MET: variants seen among roughly 807,000 people sequenced by gnomAD.
MET encodes MET proto-oncogene, receptor tyrosine kinase, also known as hepatocyte growth factor receptor.
In MET, 48 loss-of-function variants were observed where a neutral mutation model predicts 133.1. The ratio of observed to expected loss-of-function variants is 0.36; its 90% CI spans 0.29 to 0.46. The LOEUF (loss-of-function observed/expected upper bound fraction) is 0.46, where lower values mean the gene tolerates loss of function less well. MET is among the 20% of genes least tolerant of loss of function. MET has a pLI of 1.00. For missense variants in MET, 1,442 were observed against 1,695.9 expected (o/e 0.85, Z 2.63); for synonymous variants, 628 against 616.5 (o/e 1.02, Z -0.28).
rs759227622 is a variant in MET, at chr7:116,699,936, A to G, written c.852A>G (p.Ile284Met). The change falls in exon 2 of 21, where the codon ATA (isoleucine) becomes ATG (methionine). Residue 284 changes from isoleucine (I) to methionine (M), a missense_variant. Physicochemically the swap from Ile to Met is conservative, Grantham distance 10. Around this residue, in one of 6 missense-constraint regions of MET, gnomAD observed 762 missense variants for 792.4 expected, o/e 0.96. Coordinates refer to ENST00000397752, the MANE Select transcript of MET (RefSeq NM_000245.4). ...FHTRIIRFCS[I>M]NSGLHSYMEM... Reference sequence around the variant, plus strand: ...CAAGAATAATCAGGTTCTGTTCCATAAACTCTGGATTGCATTCCTACATGG... The same window carrying G: ...CAAGAATAATCAGGTTCTGTTCCATGAACTCTGGATTGCATTCCTACATGG... 5.6e-6 allele frequency: 9 copies of G among 1,614,102 alleles called. No individual in the cohort carries two copies. The East Asian group carries it at 2.0e-4, about 36-fold the overall frequency.
chr7:116,710,482 A>G (rs1791953452), intron 2 of MET, among the ~76,000 whole-genome samples: 1 of 152,200 alleles, frequency 6.6e-6, no homozygotes, highest in South Asian at 2.1e-4. Context: ...AGAAAAAAAC[A>G]TGAGACATGA....
At chr7:116,741,828 A>T (rs983626668) in intron 5 of MET, among the ~76,000 whole-genome samples, 1 of 152,226 alleles carries the variant, frequency 6.6e-6, no homozygotes, top group African/African-American at 2.4e-5. Context: ...CCCTGAGGAG[A>T]TATAGTCCAG....
chr7:116,783,264 C>A (rs1795205130), intron 18 of MET, 40 bp from the exon 19 acceptor site: 2 of 1,611,488 alleles, frequency 1.2e-6, no homozygotes, highest in Admixed American at 1.7e-5. Flanking sequence ...GTAAATTATT[C>A]TATTTCAGCC....
chr7:116,795,580 A>G (rs1795642738), intron 19 of MET, 75 bp from the exon 20 acceptor site: 1 of 1,604,698 alleles, frequency 6.2e-7, no homozygotes, highest in African/African-American at 1.3e-5. Flanking sequence ...TTTAGTTACC[A>G]AGACCTACTG....
intron 1 of MET, among the ~76,000 whole-genome samples, chr7:116,693,080 T>A (rs575446186): frequency 6.6e-6 from 1 of 152,280 alleles, no homozygotes; most frequent in African/African-American, 2.4e-5. Flanking sequence ...ATATAAATAT[T>A]AAAATGCTCA....
At chr7:116,677,969 T>TTC (rs760091049) in intron 1 of MET, among the ~76,000 whole-genome samples, 33 of 93,440 alleles carry the variant, frequency 3.5e-4, no homozygotes, top group Non-Finnish European at 5.8e-4. Flanking sequence ...AATATTGTCT[T>TTC]TCTCTCTCTC....
intron 3 of MET, among the ~76,000 whole-genome samples, chr7:116,737,841 A>G (rs1407064292): frequency 6.6e-6 from 1 of 152,208 alleles, no homozygotes; most frequent in African/African-American, 2.4e-5. Context: ...TGGGCTTCAG[A>G]TATTTCATAA....
intron 1 of MET, among the ~76,000 whole-genome samples, chr7:116,676,017 G>A (rs191148707): frequency 2.0e-5 from 3 of 152,048 alleles, no homozygotes; most frequent in Admixed American, 2.0e-4. Context: ...CTTTTCATGG[G>A]ACAAAATGAA....
At chr7:116,760,763 C>A (rs1432045313) in intron 10 of MET, among the ~76,000 whole-genome samples, 16 of 152,168 alleles carry the variant, frequency 1.1e-4, no homozygotes, top group Non-Finnish European at 2.2e-4. Context: ...AGCCACATTG[C>A]ATCACCTCTA....
chr7:116,753,478 G>T (rs536209646), intron 5 of MET, among the ~76,000 whole-genome samples: 4 of 152,216 alleles, frequency 2.6e-5, no homozygotes, highest in South Asian at 4.2e-4. Flanking sequence ...CACTTTATAG[G>T]TGCCTAATGC....
At chr7:116,758,190 T>G (rs1361892520) in intron 8 of MET, among the ~76,000 whole-genome samples, 1 of 152,074 alleles carries the variant, frequency 6.6e-6, no homozygotes, top group Non-Finnish European at 1.5e-5. Flanking sequence ...CTTCTTAGAG[T>G]TGGAAGAGCT....
chr7:116,684,332 T>G (rs911459560), intron 1 of MET, among the ~76,000 whole-genome samples: 2 of 152,242 alleles, frequency 1.3e-5, no homozygotes, highest in Non-Finnish European at 2.9e-5. Context: ...ATTGATTGAT[T>G]CTGTTGTCCA....
chr7:116,794,838 T>C (rs1467841989), intron 19 of MET, among the ~76,000 whole-genome samples: 2 of 152,220 alleles, frequency 1.3e-5, no homozygotes. Context: ...GGGGAGATAA[T>C]ATGTATGACC....
At chr7:116,740,386 A>G (rs1433727901) in intron 4 of MET, among the ~76,000 whole-genome samples, 1 of 152,236 alleles carries the variant, frequency 6.6e-6, no homozygotes, top group Non-Finnish European at 1.5e-5. Context: ...GTGCAGGCAG[A>G]TAAATCCTGG....
chr7:116,677,307 G>A (rs1273223489), intron 1 of MET, among the ~76,000 whole-genome samples: 1 of 152,082 alleles, frequency 6.6e-6, no homozygotes, highest in Non-Finnish European at 1.5e-5. Context: ...CACTGCATTG[G>A]ATTTTCTTCC....
At chr7:116,776,819 G>A (rs1169522914) in intron 15 of MET, among the ~76,000 whole-genome samples, 1 of 152,212 alleles carries the variant, frequency 6.6e-6, no homozygotes, top group Non-Finnish European at 1.5e-5. Flanking sequence ...GAGTCAGGGT[G>A]AATTTGCTTC....
At chr7:116,674,325 A>G (rs1399601631) in intron 1 of MET, among the ~76,000 whole-genome samples, 2 of 152,216 alleles carry the variant, frequency 1.3e-5, no homozygotes, top group Non-Finnish European at 2.9e-5. Context: ...AACCTATAAT[A>G]GAGAAAAATG....
At position 116,731,849 on chromosome 7, in the gene MET, G is replaced by A. The variant is rs544274181; in HGVS notation, c.1382G>A (p.Arg461His). 29 of 1,613,966 alleles carry A rather than the reference G, an allele frequency of 1.8e-5. No individual in the cohort carries two copies. The highest frequency in any genetic ancestry group is 1.7e-5 in the Admixed American group (1 of 60,000). ...GCTAATCTTGGGACATCAGAGGGTC[G>A]CTTCATGCAGGTAAGTGCTTTCTGA... ...TIANLGTSEG[R>H]FMQVVVSRSG... Residue 461 changes from arginine to histidine, a missense_variant, in exon 3 of 21, where the codon CGC becomes CAC. This residue lies in a region of MET where 762 missense variants were observed against 792.4 expected (regional missense o/e 0.96). Coordinates refer to ENST00000397752, the MANE Select transcript of MET (RefSeq NM_000245.4).
chr7:116,716,303 GA>G (rs1792197040), intron 2 of MET, among the ~76,000 whole-genome samples: 2 of 132,150 alleles, frequency 1.5e-5, no homozygotes, highest in Non-Finnish European at 3.3e-5. Flanking sequence ...GAGAGAGAGA[GA>G]GAGAGAGAGA....
Sources: gnomAD v4.1 joint callset for allele counts (sites outside exome capture counted in the v4.1 genomes callset) on GRCh38, gnomAD v4.1.1 for gene constraint, gnomAD v4.1.1 regional missense constraint, MANE v1.5 for transcripts, NCBI Gene and HGNC (gene_info 2026-07-23, HGNC 2026-07-21) for gene names.